Variants in FGF12 observed in about 807,000 individuals in gnomAD.
FGF12 encodes fibroblast growth factor 12.
FGF12 carries 14 observed loss-of-function variants against 23.6 expected under a neutral mutation model. That is an observed-to-expected ratio of 0.59 (90% CI 0.39 to 0.93). The LOEUF (loss-of-function observed/expected upper bound fraction) is 0.93, where lower values mean the gene tolerates loss of function less well. Ranked by LOEUF, FGF12 falls within the 40% of genes least tolerant of loss-of-function variation. The pLI, the probability that FGF12 is intolerant of heterozygous loss-of-function variation, is 0.00. For missense variants in FGF12, 175 were observed against 217.8 expected (o/e 0.80, Z 1.24); for synonymous variants, 62 against 77.3 (o/e 0.80, Z 1.04).
intron 2 of FGF12, among the ~76,000 whole-genome samples, chr3:192,510,319 A>C (rs1376828839): frequency 6.6e-6 from 1 of 152,256 alleles, no homozygotes; most frequent in Non-Finnish European, 1.5e-5. Flanking sequence ...GTCAAAAGAC[A>C]TTAAGAGACA....
In FGF12 at chr3:192,143,937, G is replaced by A. The variant is rs539725396; in HGVS notation, c.*72C>T. On this transcript the variant is annotated 3_prime_UTR_variant, in exon 6 of 6. Transcript: ENST00000445105. Reference sequence around the variant, plus strand: ...TTTCCTCTCCTTGGGTGGATTTACTGGAAGGAAATGGGTAAATGGGAAGGA... The same window carrying A: ...TTTCCTCTCCTTGGGTGGATTTACTAGAAGGAAATGGGTAAATGGGAAGGA... 4 of 954,134 alleles carry A rather than the reference G, an allele frequency of 4.2e-6. No individual in the cohort carries two copies. In the South Asian group the frequency reaches 5.5e-5, roughly 13 times the overall value. 59.1% of individuals were successfully genotyped at this position (954,134 alleles called of 1,614,324 possible). A position where few individuals can be genotyped will look rare whatever the true frequency, so the allele number is the denominator to read the frequency against.
chr3:192,499,512 A>C (rs867566953), intron 2 of FGF12, among the ~76,000 whole-genome samples: 1 of 44,078 alleles, frequency 2.3e-5, no homozygotes, highest in South Asian at 1.3e-3. Flanking sequence ...ATATATATAT[A>C]TATATTTTTT....
At chr3:192,392,963 T>C (rs1245727458) in intron 2 of FGF12, among the ~76,000 whole-genome samples, 1 of 152,236 alleles carries the variant, frequency 6.6e-6, no homozygotes, top group Non-Finnish European at 1.5e-5. Flanking sequence ...ATTCTACCTA[T>C]ATGCAGGATA....
At position 192,238,660 on chromosome 3, in the gene FGF12, T is replaced by C. The variant is rs1719434322; in HGVS notation, c.229-68004A>G. The C allele has an allele frequency of 2.0e-5, 3 of 152,176 alleles. No individual in the cohort carries two copies. The East Asian group carries it at 5.8e-4, about 29-fold the overall frequency. 9.4% of individuals were successfully genotyped at this position (152,176 alleles called of 1,614,324 possible). A position where few individuals can be genotyped will look rare whatever the true frequency, so the allele number is the denominator to read the frequency against. On this transcript the variant is annotated intron_variant, in intron 4 of 5. Transcript: ENST00000445105. ...ATGGAAGCTCAAGGAATTCAGTGAG[T>C]TGTCTCTGGAAAAGAGCAGAGCAGG... is the stretch of plus-strand genomic sequence containing the variant.
At chr3:192,326,159 G>T (rs1476016857) in intron 4 of FGF12, among the ~76,000 whole-genome samples, 2 of 152,036 alleles carry the variant, frequency 1.3e-5, no homozygotes, top group African/African-American at 4.8e-5. Context: ...CTAACCTCAA[G>T]GAATTTGCAT....
intron 3 of FGF12, among the ~76,000 whole-genome samples, chr3:192,351,891 A>G (rs1003579883): frequency 1.3e-5 from 2 of 152,182 alleles, no homozygotes; most frequent in Non-Finnish European, 2.9e-5. Context: ...ACAAGAGTTG[A>G]GGAGGGTTTT....
chr3:192,257,848 C>T (rs367886871), intron 4 of FGF12, among the ~76,000 whole-genome samples: 9 of 151,818 alleles, frequency 5.9e-5, no homozygotes, highest in South Asian at 2.1e-4. Flanking sequence ...AAATTCTAAA[C>T]GATATTATTC....
intron 2 of FGF12, among the ~76,000 whole-genome samples, chr3:192,614,295 A>T (rs1348623171): frequency 6.6e-6 from 1 of 151,806 alleles, no homozygotes; most frequent in Non-Finnish European, 1.5e-5. Flanking sequence ...TGCTACAAAG[A>T]TCCTTTGCTC....
At chr3:192,596,777 C>A (rs538268080) in intron 2 of FGF12, among the ~76,000 whole-genome samples, 1 of 152,334 alleles carries the variant, frequency 6.6e-6, no homozygotes, top group South Asian at 2.1e-4. Flanking sequence ...CAATTATTTA[C>A]ACACGGCAGC....
chr3:192,413,816 C>T (rs1721268255), intron 2 of FGF12, among the ~76,000 whole-genome samples: 1 of 152,200 alleles, frequency 6.6e-6, no homozygotes, highest in Non-Finnish European at 1.5e-5. Context: ...TATGAGCTCA[C>T]TGGGCTCTGC....
intron 4 of FGF12, among the ~76,000 whole-genome samples, chr3:192,249,345 C>T (rs1289930065): frequency 1.3e-5 from 2 of 152,072 alleles, no homozygotes; most frequent in African/African-American, 4.8e-5. Flanking sequence ...ACTCGATAAA[C>T]GTGTGTAAAA....
intron 2 of FGF12, among the ~76,000 whole-genome samples, chr3:192,610,574 C>A (rs574570044): frequency 6.6e-6 from 1 of 152,102 alleles, no homozygotes; most frequent in South Asian, 2.1e-4. Flanking sequence ...ACATCCATTA[C>A]CTTGTTCAGT....
chr3:192,493,939 T>A (rs1043784584), intron 2 of FGF12, among the ~76,000 whole-genome samples: 1 of 152,114 alleles, frequency 6.6e-6, no homozygotes, highest in Non-Finnish European at 1.5e-5. Flanking sequence ...TTTTCTGTTA[T>A]TTAGAAGAGA....
rs1713406459 is a variant in FGF12, at chr3:192,141,819, C to T, written c.*2190G>A. The T allele has an allele frequency of 6.8e-6, 1 of 146,362 alleles. No homozygotes were observed. Among genetic ancestry groups the T allele is most frequent in the Non-Finnish European group, 1.5e-5 (1 of 65,708 alleles). The allele number at this position is 146,362 out of a possible 1,614,324, so 9.1% of individuals were successfully genotyped here. Reference sequence around the variant, plus strand: ...ACTGATGAGTGTGTATGTGTATCATCACTACAAAAGCTCAAGTCATTTCAT... The same window carrying T: ...ACTGATGAGTGTGTATGTGTATCATTACTACAAAAGCTCAAGTCATTTCAT... On this transcript the variant is annotated 3_prime_UTR_variant, in exon 6 of 6. Transcript: ENST00000445105.
intron 2 of FGF12, among the ~76,000 whole-genome samples, chr3:192,501,350 G>C (rs571320991): frequency 5.3e-5 from 8 of 152,284 alleles, no homozygotes; most frequent in African/African-American, 1.9e-4. Flanking sequence ...AGTTTTAGGT[G>C]TATTGGTGTT....
intron 2 of FGF12, among the ~76,000 whole-genome samples, chr3:192,368,848 C>T (rs1268091046): frequency 2.0e-5 from 3 of 152,096 alleles, no homozygotes; most frequent in Admixed American, 6.5e-5. Flanking sequence ...AGAAAGTCTG[C>T]CAGCCCTTTC....
intron 4 of FGF12, among the ~76,000 whole-genome samples, chr3:192,254,546 T>G (rs1712255720): frequency 6.6e-6 from 1 of 152,044 alleles, no homozygotes; most frequent in South Asian, 2.1e-4. Flanking sequence ...TCATTGAAGA[T>G]AAATTCAGAG....
chr3:192,517,096 G>C (rs1383863477), intron 2 of FGF12: 1 of 152,224 alleles, frequency 6.6e-6, no homozygotes, highest in Non-Finnish European at 1.5e-5. Flanking sequence ...AATAGCAAAT[G>C]AACAGGACAA....
At chr3:192,482,056 A>T (rs1723495095) in intron 2 of FGF12, among the ~76,000 whole-genome samples, 1 of 152,204 alleles carries the variant, frequency 6.6e-6, no homozygotes, top group Non-Finnish European at 1.5e-5. Flanking sequence ...GTTTGCTACT[A>T]TGTCATTATC....
Sources: gnomAD v4.1 joint callset for allele counts (sites outside exome capture counted in the v4.1 genomes callset) on GRCh38, gnomAD v4.1.1 for gene constraint, MANE v1.5 for transcripts, NCBI Gene and HGNC (gene_info 2026-07-23, HGNC 2026-07-21) for gene names.